Variants in CDK14 observed in about 807,000 individuals in gnomAD.
The protein encoded by CDK14 is cyclin-dependent kinase 14.
Under a neutral mutation model 60.7 loss-of-function variants are expected in CDK14, and 34 were observed. The ratio of observed to expected loss-of-function variants is 0.56; its 90% CI spans 0.43 to 0.75. The LOEUF is 0.75. Ranked by LOEUF, CDK14 falls within the 30% of genes least tolerant of loss-of-function variation. CDK14 has a pLI of 0.00. For synonymous variants in CDK14, 197 were observed against 203.7 expected, an observed-to-expected ratio of 0.97 and a Z score of 0.28; for missense variants, 482 against 564.1, an observed-to-expected ratio of 0.85 and a Z score of 1.47.
intron 1 of CDK14, among the ~76,000 whole-genome samples, chr7:90,601,322 C>T (rs1799308794): frequency 6.6e-6 from 1 of 152,220 alleles, no homozygotes; most frequent in South Asian, 2.1e-4. Context: ...TCAGAATTTA[C>T]TCATCAGTGA....
intron 2 of CDK14, among the ~76,000 whole-genome samples, chr7:90,723,179 CT>C (rs1802515880): frequency 6.6e-6 from 1 of 152,072 alleles, no homozygotes; most frequent in South Asian, 2.1e-4. Context: ...TTATCAAATG[CT>C]TTTTTCTGAG....
intron 8 of CDK14, among the ~76,000 whole-genome samples, chr7:90,942,504 TC>T (rs1433891133): frequency 2.0e-5 from 3 of 152,218 alleles, no homozygotes; most frequent in Admixed American, 1.3e-4. Flanking sequence ...ACATCAGTAA[TC>T]CTTGTGAGAT....
At chr7:90,909,658 A>G (rs1393982105) in intron 7 of CDK14, among the ~76,000 whole-genome samples, 2 of 152,046 alleles carry the variant, frequency 1.3e-5, no homozygotes, top group Non-Finnish European at 2.9e-5. Flanking sequence ...GGTATCCACC[A>G]TTGCCTTGAA....
At chr7:90,858,900 A>G (rs1790915649) in intron 5 of CDK14, among the ~76,000 whole-genome samples, 1 of 152,222 alleles carries the variant, frequency 6.6e-6, no homozygotes, top group South Asian at 2.1e-4. Context: ...ATTAGAATTA[A>G]CAATACTAAA....
At chr7:90,697,064 T>G (rs566471787) in intron 2 of CDK14, among the ~76,000 whole-genome samples, 14 of 152,192 alleles carry the variant, frequency 9.2e-5, no homozygotes, top group African/African-American at 3.1e-4. Flanking sequence ...AAAATGGGTT[T>G]AAGAATGAAT....
At chr7:90,807,311 A>G (rs552388969) in intron 5 of CDK14, among the ~76,000 whole-genome samples, 9 of 152,194 alleles carry the variant, frequency 5.9e-5, no homozygotes, top group Non-Finnish European at 1.2e-4. Flanking sequence ...CTGTTCACCA[A>G]TACCTGCTGT....
intron 14 of CDK14, among the ~76,000 whole-genome samples, chr7:91,125,034 T>C (rs990808476): frequency 6.6e-6 from 1 of 152,142 alleles, no homozygotes; most frequent in Non-Finnish European, 1.5e-5. Context: ...TGTCTAAGCA[T>C]AAAAGGAGGC....
intron 2 of CDK14, among the ~76,000 whole-genome samples, chr7:90,635,086 C>G (rs1800106086): frequency 6.6e-6 from 1 of 152,066 alleles, no homozygotes; most frequent in African/African-American, 2.4e-5. Context: ...TGTAGGTTGC[C>G]TGTTCACTCT....
At chr7:91,052,675 C>T (rs1375615443) in intron 11 of CDK14, among the ~76,000 whole-genome samples, 1 of 152,108 alleles carries the variant, frequency 6.6e-6, no homozygotes, top group African/African-American at 2.4e-5. Context: ...AAAAATGCTG[C>T]TAGACCAGAA....
Position 91,038,461 on chromosome 7 carries a change from TAA to T in CDK14, c.1042-7434_1042-7433del, listed in dbSNP as rs534076413. Among the ~76,000 whole-genome samples, 26 of 152,322 alleles carry T rather than the reference TAA, an allele frequency of 1.7e-4. No homozygotes were observed. The South Asian group carries it at 5.2e-3, about 30-fold the overall frequency. ...TATCAAATTTTCACAGAAATAAATG[TAA>T]AGTTTCAACTGTGACAATTTTTACT... On this transcript the variant is annotated intron_variant, in intron 10 of 14. Transcript: ENST00000380050.
chr7:91,101,972 G>A (rs1401669763), intron 12 of CDK14, among the ~76,000 whole-genome samples: 1 of 152,204 alleles, frequency 6.6e-6, no homozygotes, highest in Non-Finnish European at 1.5e-5. Flanking sequence ...CTTTGGATGT[G>A]TAGACAAGAA....
At chr7:90,644,517 A>G (rs1800417704) in intron 2 of CDK14, among the ~76,000 whole-genome samples, 1 of 152,196 alleles carries the variant, frequency 6.6e-6, no homozygotes, top group African/African-American at 2.4e-5. Flanking sequence ...TCATTTATAT[A>G]TTTGAGAGGA....
At chr7:91,159,188 G>A (rs10235925) in intron 14 of CDK14, among the ~76,000 whole-genome samples, 77,766 of 151,474 alleles carry the variant, frequency 0.51, 20,107 homozygotes, top group Middle Eastern at 0.58. Flanking sequence ...ATGACTGTGG[G>A]ATACTGTGTT....
At position 90,744,821 on chromosome 7, in the gene CDK14, GCCCCCACCTCCCTCCCGGAC is replaced by G. The variant is rs1803525449; in HGVS notation, c.370-2859_370-2840del. Among the ~76,000 whole-genome samples the G allele has an allele frequency of 5.5e-5, 5 of 90,710 alleles. 1 individual carries two copies. Among genetic ancestry groups the G allele is most frequent in the African/African-American group, 1.7e-4 (4 of 22,908 alleles). The allele number at this position is 90,710 out of a possible 152,430, so 59.5% of individuals were successfully genotyped here. ...GCGGCTGGCCGGGCGGGGGGCTGAC[GCCCCCACCTCCCTCCCGGAC>G]GGGGGCTGACCCCCCCACCTCCCTC... On this transcript the variant is annotated intron_variant, in intron 3 of 14. Coordinates refer to ENST00000380050, the MANE Select transcript of CDK14 (RefSeq NM_001287135.2).
In CDK14 at chr7:90,603,273, A is replaced by G. The variant is rs17869470; in HGVS notation, c.92-945A>G. Among the ~76,000 whole-genome samples the G allele has an allele frequency of 6.0e-3, 921 of 152,298 alleles. 7 individuals carry two copies. The highest frequency in any genetic ancestry group is 0.019 in the African/African-American group (796 of 41,552). On this transcript the variant is annotated intron_variant, in intron 1 of 14. Coordinates refer to ENST00000380050, the MANE Select transcript of CDK14 (RefSeq NM_001287135.2). Reference sequence around the variant, plus strand: ...CAACTGTAGGTGAAATTCTTCTTCTATGTTGGGTGAAAAAATTCCAGTTCT... The same window carrying G: ...CAACTGTAGGTGAAATTCTTCTTCTGTGTTGGGTGAAAAAATTCCAGTTCT...
chr7:90,991,397 T>A (rs1795529036), intron 10 of CDK14, among the ~76,000 whole-genome samples: 1 of 152,042 alleles, frequency 6.6e-6, no homozygotes, highest in South Asian at 2.1e-4. Flanking sequence ...TTGTAGGGGA[T>A]GTTCATGTTT....
rs1437734819 is a variant in CDK14 at position 90,596,477 on chromosome 7, C to T, written c.-151C>T. 2 of 575,602 alleles carry T rather than the reference C, an allele frequency of 3.5e-6. No individual in the cohort carries two copies. The highest frequency in any genetic ancestry group is 4.0e-5 in the African/African-American group (2 of 50,310). 35.7% of individuals were successfully genotyped at this position (575,602 alleles called of 1,614,324 possible). A position where few individuals can be genotyped will look rare whatever the true frequency, so the allele number is the denominator to read the frequency against. Reference sequence around the variant, plus strand: ...CCTGCCGTCCTCCGCCTGCCTGCTGCTCGCCTCCCTAGACCTGCGCGTCGC... The same window carrying T: ...CCTGCCGTCCTCCGCCTGCCTGCTGTTCGCCTCCCTAGACCTGCGCGTCGC... On this transcript the variant is annotated 5_prime_UTR_variant, in exon 1 of 15. Transcript: ENST00000380050.
intron 2 of CDK14, among the ~76,000 whole-genome samples, chr7:90,716,159 G>A (rs1802243266): frequency 6.6e-6 from 1 of 151,914 alleles, no homozygotes; most frequent in African/African-American, 2.4e-5. Context: ...TGGAAACAGT[G>A]TCTGAAAGAC....
intron 11 of CDK14, among the ~76,000 whole-genome samples, chr7:91,079,179 G>A (rs1432720817): frequency 6.6e-6 from 1 of 152,214 alleles, no homozygotes; most frequent in East Asian, 1.9e-4. Flanking sequence ...GTTGTTCTAA[G>A]AAATAGTTAT....
Sources: gnomAD v4.1 joint callset for allele counts (sites outside exome capture counted in the v4.1 genomes callset) on GRCh38, gnomAD v4.1.1 for gene constraint, MANE v1.5 for transcripts, NCBI Gene and HGNC (gene_info 2026-07-23, HGNC 2026-07-21) for gene names.